The following PCDHA2 variants were observed in gnomAD, a reference collection of about 807,000 sequenced individuals.
PCDHA2 encodes protocadherin alpha 2, also known as protocadherin alpha-2.
In PCDHA2, 58 loss-of-function variants were observed where a neutral mutation model predicts 66.0. The observed-to-expected ratio is 0.88, with a 90% CI of 0.71 to 1.09. The LOEUF is 1.09. PCDHA2 is among the 50% of genes least tolerant of loss of function. PCDHA2 has a pLI of 0.00. For synonymous variants in PCDHA2, 634 were observed against 554.0 expected (o/e 1.14, Z -2.03); for missense variants, 1,267 against 1,242.3 (o/e 1.02, Z -0.30).
chr5:140,862,448 C>A (rs2047370091), intron 1 of PCDHA2: 1 of 362,316 alleles, frequency 2.8e-6, no homozygotes. Flanking sequence ...TACTCCACAG[C>A]GCCCTGGACC....
At chr5:140,818,260 C>G (rs1461954108) in intron 1 of PCDHA2, among the ~76,000 whole-genome samples, 1 of 152,102 alleles carries the variant, frequency 6.6e-6, no homozygotes, top group Non-Finnish European at 1.5e-5. Context: ...TTTTAAATCA[C>G]TTTTTCTCTT....
At chr5:140,933,047 A>G (rs1482395906) in intron 1 of PCDHA2, among the ~76,000 whole-genome samples, 2 of 152,030 alleles carry the variant, frequency 1.3e-5, no homozygotes, top group Non-Finnish European at 1.5e-5. Flanking sequence ...TATGGATTAC[A>G]GTCCAGGATC....
At chr5:140,822,530 A>G (rs2150117058) in intron 1 of PCDHA2, 1 of 1,613,856 alleles carries the variant, frequency 6.2e-7, no homozygotes, top group Non-Finnish European at 8.5e-7. Context: ...AGATTGTTGG[A>G]AAATGCACCA....
chr5:140,828,740 G>C (rs2150158441), intron 1 of PCDHA2: 1 of 1,614,226 alleles, frequency 6.2e-7, no homozygotes, highest in Admixed American at 1.7e-5. Context: ...AGCCACAGAT[G>C]GGGGCAAACC....
intron 1 of PCDHA2, chr5:140,841,218 C>G (rs2150312000): frequency 3.5e-6 from 5 of 1,431,458 alleles, no homozygotes; most frequent in Non-Finnish European, 4.7e-6. Context: ...CTCTAAAGGC[C>G]GAACAACGGG....
At chr5:141,003,962 C>G (rs2098144287) in intron 3 of PCDHA2, among the ~76,000 whole-genome samples, 1 of 152,098 alleles carries the variant, frequency 6.6e-6, no homozygotes, top group Non-Finnish European at 1.5e-5. Context: ...ACCCTGGGAG[C>G]ATAAGGGAGG....
At chr5:140,840,931 G>T (rs529661807) in intron 1 of PCDHA2, among the ~76,000 whole-genome samples, 1 of 151,938 alleles carries the variant, frequency 6.6e-6, no homozygotes, top group Non-Finnish European at 1.5e-5. Flanking sequence ...TAATTGATAC[G>T]ATATTTGAAA....
Position 140,830,403 on chromosome 5 carries a change from C to T in PCDHA2, c.2388+33051C>T, listed in dbSNP as rs142523844. 231 of 1,614,096 alleles carry T rather than the reference C, an allele frequency of 1.4e-4. No homozygotes were observed. The African/African-American group carries it at 1.9e-3, about 14-fold the overall frequency. The stretch of plus-strand genomic sequence containing the variant: ...GGCCCACCCAAGATGGATCTCATGG[C>T]CTTTAGCCCCAGCCTTTCACCTTGT... On this transcript the variant is annotated intron_variant, in intron 1 of 3. Transcript: ENST00000526136.
intron 1 of PCDHA2, among the ~76,000 whole-genome samples, chr5:140,910,284 A>G (rs2153514340): frequency 6.6e-6 from 1 of 152,292 alleles, no homozygotes; most frequent in East Asian, 1.9e-4. Context: ...GAACACCATG[A>G]TTAATCAACA....
At chr5:140,801,768 T>C (rs782500534) in intron 1 of PCDHA2, 3 of 1,613,764 alleles carry the variant, frequency 1.9e-6, no homozygotes, top group East Asian at 2.2e-5. Context: ...GGAAATTAAA[T>C]CCCTTGGACT....
Position 140,829,886 on chromosome 5 carries a change from G to A in PCDHA2, c.2388+32534G>A, listed in dbSNP as rs2150176941. The A allele has an allele frequency of 5.0e-6, 8 of 1,613,958 alleles. No individual in the cohort carries two copies. The highest frequency in any genetic ancestry group is 6.8e-6 in the Non-Finnish European group (8 of 1,179,888). Reference sequence around the variant, plus strand: ...GGTGGCGAAGGTGCGCGCAGTTGACGCCGACTCAGGCTACAACGCGTGGCT... The same window carrying A: ...GGTGGCGAAGGTGCGCGCAGTTGACACCGACTCAGGCTACAACGCGTGGCT... On this transcript the variant is annotated intron_variant, in intron 1 of 3. Transcript: ENST00000526136.
At position 140,796,671 on chromosome 5, in the gene PCDHA2, G is replaced by A. The variant is rs1455418008; in HGVS notation, c.1707G>A (p.Arg569=). 6.2e-7 allele frequency: 1 copy of A among 1,613,904 alleles called. No individual in the cohort carries two copies. The highest frequency in any genetic ancestry group is 8.5e-7 in the Non-Finnish European group (1 of 1,179,874). The change falls in exon 1 of 4, where the codon AGG becomes AGA. Residue 569 remains arginine (R), a synonymous_variant. Transcript: ENST00000526136. ...ACGCGCCGGCACTGTTGGCGCCTAG[G>A]GCTGGCACCGCTGCTGGCGCAGTGA... The part of the protein sequence containing the change: ...NDNAPALLAP[R]AGTAAGAVSE...
intron 3 of PCDHA2, among the ~76,000 whole-genome samples, chr5:140,992,294 G>C (rs2097504138): frequency 1.3e-5 from 2 of 152,190 alleles, no homozygotes; most frequent in African/African-American, 4.8e-5. Context: ...CAAAGGATGG[G>C]AGTATTGTTT....
At position 141,009,931 on chromosome 5, in the gene PCDHA2, C is replaced by T. The variant is rs2098415407; in HGVS notation, c.2841C>T (p.Asp947=). ...EKGNSTTDNS[D]Q ...GGAACAGCACGACTGACAACAGTGA[C>T]CAGTGAGGTCCTCAAATGGAAACAA... Residue 947 remains aspartate (D), a synonymous_variant, in exon 4 of 4, where the codon GAC becomes GAT. Transcript: ENST00000526136. The T allele has an allele frequency of 6.2e-7, 1 of 1,601,706 alleles. No individual in the cohort carries two copies. The highest frequency in any genetic ancestry group is 8.5e-7 in the Non-Finnish European group (1 of 1,175,864).
chr5:140,848,532 C>T, intron 1 of PCDHA2: 2 of 1,594,974 alleles, frequency 1.3e-6, no homozygotes, highest in Non-Finnish European at 1.7e-6. Context: ...AGAGGGTCAG[C>T]CTCTACTGCT....
chr5:140,889,089 A>G (rs1186785152), intron 1 of PCDHA2, among the ~76,000 whole-genome samples: 2 of 151,884 alleles, frequency 1.3e-5, no homozygotes, highest in Non-Finnish European at 2.9e-5. Flanking sequence ...AATTTTCAAA[A>G]CAATTTTTTC....
chr5:140,797,156 C>A lies in PCDHA2; in HGVS notation c.2192C>A (p.Ala731Glu). The change falls in exon 1 of 4, where the codon GCG (alanine) becomes GAG (glutamate). Residue 731 changes from alanine to glutamate, a missense_variant. By Grantham distance (107) the Ala-to-Glu change is moderately radical. Coordinates refer to ENST00000526136, the MANE Select transcript of PCDHA2 (RefSeq NM_018905.3). Reference sequence around the variant, plus strand: ...TGCTCGGTGCCACCCACCGAGGGTGCGCGCGCGCCAGGAAAGCCCACGCTG... The same window carrying A: ...TGCTCGGTGCCACCCACCGAGGGTGAGCGCGCGCCAGGAAAGCCCACGCTG... Reference protein sequence around the residue: ...LRCSVPPTEGARAPGKPTLVC... With the variant: ...LRCSVPPTEGERAPGKPTLVC... 1 of 1,613,954 alleles carries A rather than the reference C, an allele frequency of 6.2e-7. No homozygotes were observed. Among genetic ancestry groups the A allele is most frequent in the Non-Finnish European group, 8.5e-7 (1 of 1,179,972 alleles).
intron 1 of PCDHA2, chr5:140,807,612 T>A: frequency 2.5e-6 from 4 of 1,614,130 alleles, no homozygotes; most frequent in Non-Finnish European, 3.4e-6. Flanking sequence ...AACCTGTCCA[T>A]CGCGGAATCC....
At chr5:140,850,812 A>T in intron 1 of PCDHA2, 1 of 1,598,316 alleles carries the variant, frequency 6.3e-7, no homozygotes, top group Non-Finnish European at 8.6e-7. Context: ...CATGGCCTTC[A>T]GCCCGGGCCT....
Sources: gnomAD v4.1 joint callset for allele counts (sites outside exome capture counted in the v4.1 genomes callset) on GRCh38, gnomAD v4.1.1 for gene constraint, MANE v1.5 for transcripts, NCBI Gene and HGNC (gene_info 2026-07-23, HGNC 2026-07-21) for gene names.